Variants in HHAT observed in about 807,000 individuals in gnomAD.
HHAT encodes protein-cysteine N-palmitoyltransferase HHAT.
HHAT carries 47 observed loss-of-function variants against 70.8 expected under a neutral mutation model. The observed-to-expected ratio is 0.66, with a 90% CI of 0.53 to 0.85. The LOEUF is 0.85. HHAT is among the 40% of genes least tolerant of loss of function. HHAT has a pLI of 0.00. For missense variants in HHAT, 609 were observed against 604.8 expected, an observed-to-expected ratio of 1.01 and a Z score of -0.07; for synonymous variants, 228 against 247.6, an observed-to-expected ratio of 0.92 and a Z score of 0.74.
intron 8 of HHAT, among the ~76,000 whole-genome samples, chr1:210,482,204 T>A (rs1423867120): frequency 6.6e-6 from 1 of 152,100 alleles, no homozygotes; most frequent in Non-Finnish European, 1.5e-5. Flanking sequence ...TGCTCACCAC[T>A]AAAAAGAACT....
At chr1:210,404,348 C>T in intron 5 of HHAT, 116 bp from the exon 6 acceptor site, 1 of 760,834 alleles carries the variant, frequency 1.3e-6, no homozygotes, top group Non-Finnish European at 2.2e-6. Context: ...AATTGCCTTC[C>T]CAGAGCCCCC....
chr1:210,483,442 A>G (rs536587101), intron 8 of HHAT, among the ~76,000 whole-genome samples: 7 of 152,278 alleles, frequency 4.6e-5, no homozygotes, highest in African/African-American at 1.7e-4. Flanking sequence ...GCCGCTGGCT[A>G]TGATTGCCTC....
At chr1:210,349,298 G>A (rs1378976115) in intron 2 of HHAT, among the ~76,000 whole-genome samples, 1 of 152,122 alleles carries the variant, frequency 6.6e-6, no homozygotes, top group African/African-American at 2.4e-5. Context: ...TAATTGGTGG[G>A]TTTGATTCAA....
intron 9 of HHAT, among the ~76,000 whole-genome samples, chr1:210,523,073 C>T (rs927603436): frequency 1.3e-5 from 2 of 152,108 alleles, no homozygotes; most frequent in Non-Finnish European, 2.9e-5. Context: ...CCTTTCATGG[C>T]TTTTCTTTGA....
intron 11 of HHAT, among the ~76,000 whole-genome samples, chr1:210,655,176 A>G (rs538836560): frequency 6.6e-6 from 1 of 152,352 alleles, no homozygotes; most frequent in African/African-American, 2.4e-5. Context: ...AAAGATTACC[A>G]GGAAGAGAAT....
chr1:210,507,883 T>A (rs2094888091), intron 8 of HHAT, among the ~76,000 whole-genome samples: 1 of 152,038 alleles, frequency 6.6e-6, no homozygotes, highest in South Asian at 2.1e-4. Context: ...TAGCTTGATT[T>A]AATCATTCCA....
intron 11 of HHAT, among the ~76,000 whole-genome samples, chr1:210,646,392 G>A (rs1367938839): frequency 6.6e-6 from 1 of 152,170 alleles, no homozygotes; most frequent in Non-Finnish European, 1.5e-5. Context: ...ATCTCCAAAG[G>A]AATGAATGAA....
chr1:210,502,593 T>G (rs990293656), intron 8 of HHAT, among the ~76,000 whole-genome samples: 1 of 152,170 alleles, frequency 6.6e-6, no homozygotes, highest in African/African-American at 2.4e-5. Flanking sequence ...ATTTACATAT[T>G]TATCAGGCTT....
chr1:210,423,199 AT>A (rs2092956812), intron 7 of HHAT, among the ~76,000 whole-genome samples: 1 of 152,118 alleles, frequency 6.6e-6, no homozygotes, highest in Admixed American at 6.6e-5. Context: ...ATGTGTAAGA[AT>A]TTACTTTTCT....
In HHAT at chr1:210,431,518, T is replaced by C. The variant is rs138447423; in HGVS notation, c.856+13193T>C. ...TTTAGCATTTCTTAGGTGTTCTCCA[T>C]TGGCATGATTTTCAAGATGGGACAG... On this transcript the variant is annotated intron_variant, in intron 7 of 11. Transcript: ENST00000261458. Among the ~76,000 whole-genome samples, 1,096 of 152,026 alleles carry C rather than the reference T, an allele frequency of 7.2e-3. 43 individuals carry two copies. Among genetic ancestry groups the C allele is most frequent in the African/African-American group, 0.025 (1,044 of 41,260 alleles).
At chr1:210,398,404 T>G (rs1572151734) in intron 4 of HHAT, among the ~76,000 whole-genome samples, 1 of 152,206 alleles carries the variant, frequency 6.6e-6, no homozygotes, top group African/African-American at 2.4e-5. Flanking sequence ...GTCGTCTGCC[T>G]GTACTGTTTG....
In HHAT at chr1:210,502,991, G is replaced by T. The variant is rs572650446; in HGVS notation, c.1008-10162G>T. On this transcript the variant is annotated intron_variant, in intron 8 of 11. Coordinates refer to ENST00000261458, the MANE Select transcript of HHAT (RefSeq NM_018194.6). ...GAAGATATTTTTTTTTTTTTGAGAC[G>T]GTCTCCCTCTGTCACCCAGGCTGGA... Among the ~76,000 whole-genome samples the T allele has an allele frequency of 1.7e-3, 252 of 149,074 alleles. 2 individuals are homozygous for T. The highest frequency in any genetic ancestry group is 5.9e-3 in the African/African-American group (238 of 40,324).
chr1:210,404,881 A>C (rs931585698), intron 6 of HHAT, among the ~76,000 whole-genome samples: 2 of 152,106 alleles, frequency 1.3e-5, no homozygotes, highest in Non-Finnish European at 2.9e-5. Flanking sequence ...GACCCATCAG[A>C]TATGTCAGCT....
chr1:210,349,798 C>A (rs1398328579), intron 2 of HHAT, among the ~76,000 whole-genome samples: 5 of 151,884 alleles, frequency 3.3e-5, no homozygotes, highest in African/African-American at 1.2e-4. Context: ...TTTCAGGTGC[C>A]CACCACCACG....
chr1:210,614,801 C>T (rs1667336361), intron 10 of HHAT, among the ~76,000 whole-genome samples: 1 of 152,184 alleles, frequency 6.6e-6, no homozygotes, highest in South Asian at 2.1e-4. Flanking sequence ...TTTCTTAATC[C>T]AGCCTATCAT....
intron 1 of HHAT, among the ~76,000 whole-genome samples, chr1:210,332,279 G>A (rs189233439): frequency 6.6e-6 from 1 of 152,322 alleles, no homozygotes; most frequent in African/African-American, 2.4e-5. Flanking sequence ...TCAAAGACTT[G>A]AATAGTTGTG....
chr1:210,598,234 T>A (rs1663452525), intron 10 of HHAT, among the ~76,000 whole-genome samples: 1 of 151,832 alleles, frequency 6.6e-6, no homozygotes, highest in Admixed American at 6.6e-5. Flanking sequence ...TTCTGTCTCC[T>A]CTTCTCAAGC....
chr1:210,574,827 C>A (rs934266196), intron 9 of HHAT, among the ~76,000 whole-genome samples: 5 of 152,218 alleles, frequency 3.3e-5, no homozygotes, highest in Non-Finnish European at 5.9e-5. Context: ...GCACTTTCTT[C>A]TAGAGACTCC....
At chr1:210,673,430 G>C (rs538046231) in intron 11 of HHAT, among the ~76,000 whole-genome samples, 1 of 151,672 alleles carries the variant, frequency 6.6e-6, no homozygotes. Flanking sequence ...TATTATTCTA[G>C]GGGGAAACGT....
Sources: gnomAD v4.1 joint callset for allele counts (sites outside exome capture counted in the v4.1 genomes callset) on GRCh38, gnomAD v4.1.1 for gene constraint, MANE v1.5 for transcripts, NCBI Gene and HGNC (gene_info 2026-07-23, HGNC 2026-07-21) for gene names.